ZNF804B: variants seen among roughly 807,000 people sequenced by gnomAD.
ZNF804B encodes zinc finger 804B.
Under a neutral mutation model 101.4 loss-of-function variants are expected in ZNF804B, and 80 were observed. The ratio of observed to expected loss-of-function variants is 0.79; its 90% CI spans 0.66 to 0.95. The LOEUF (loss-of-function observed/expected upper bound fraction) is 0.95, where lower values mean the gene tolerates loss of function less well. Ranked by LOEUF, ZNF804B falls within the 40% of genes least tolerant of loss-of-function variation. ZNF804B has a pLI of 0.00. For missense variants in ZNF804B, 1,673 were observed against 1,561.9 expected, an observed-to-expected ratio of 1.07 and a Z score of -1.20; for synonymous variants, 622 against 558.8, an observed-to-expected ratio of 1.11 and a Z score of -1.59.
intron 1 of ZNF804B, among the ~76,000 whole-genome samples, chr7:88,833,569 T>C (rs1466035324): frequency 6.6e-6 from 1 of 151,816 alleles, no homozygotes; most frequent in African/African-American, 2.4e-5. Context: ...AGTCTGCGAG[T>C]TTGAAAGAGA....
At chr7:89,144,757 C>T (rs1484494313) in intron 1 of ZNF804B, among the ~76,000 whole-genome samples, 5 of 151,944 alleles carry the variant, frequency 3.3e-5, no homozygotes, top group African/African-American at 9.7e-5. Flanking sequence ...TTGATTTAAT[C>T]ATCCAACATT....
chr7:89,280,712 T>C (rs1398758925), intron 2 of ZNF804B, among the ~76,000 whole-genome samples: 1 of 152,166 alleles, frequency 6.6e-6, no homozygotes, highest in Non-Finnish European at 1.5e-5. Context: ...CAGGAAGAAG[T>C]TGAATCTCTG....
chr7:88,878,614 C>A, intron 1 of ZNF804B, among the ~76,000 whole-genome samples: 1 of 151,930 alleles, frequency 6.6e-6, no homozygotes, highest in African/African-American at 2.4e-5. Context: ...TTTTAATCAC[C>A]TATACTATGC....
Position 89,162,407 on chromosome 7 carries a change from C to T in ZNF804B, c.109-55748C>T, listed in dbSNP as rs145618338. Among the ~76,000 whole-genome samples, 827 of 152,172 alleles carry T rather than the reference C, an allele frequency of 5.4e-3. 6 individuals are homozygous for T. Among genetic ancestry groups the T allele is most frequent in the Non-Finnish European group, 8.5e-3 (581 of 68,016 alleles). On this transcript the variant is annotated intron_variant, in intron 1 of 3. Transcript: ENST00000333190. ...TAACCAAAGTCAAATTCCTAAATAG[C>T]TTTTGACCCAAAAATAGAATCTAGA...
At chr7:89,210,375 G>A (rs1788783833) in intron 1 of ZNF804B, among the ~76,000 whole-genome samples, 2 of 152,046 alleles carry the variant, frequency 1.3e-5, no homozygotes, top group South Asian at 4.1e-4. Flanking sequence ...TACATGCGCA[G>A]GATGTGCAGG....
chr7:89,195,462 C>G (rs1256168936), intron 1 of ZNF804B, among the ~76,000 whole-genome samples: 6 of 144,718 alleles, frequency 4.1e-5, no homozygotes, highest in Non-Finnish European at 7.5e-5. Flanking sequence ...CCCAAAATCT[C>G]CTTAAGCTGA....
At position 88,816,932 on chromosome 7, in the gene ZNF804B, G is replaced by A. The variant is rs1019620703; in HGVS notation, c.108+56848G>A. On this transcript the variant is annotated intron_variant, in intron 1 of 3. Transcript: ENST00000333190. The stretch of plus-strand genomic sequence containing the variant: ...CATGCTGCTATAAGACACATGCACA[G>A]GTATGTTTATTGTGGCACTATTGAC... 1.5e-3 allele frequency among the ~76,000 whole-genome samples: 218 copies of A among 148,208 alleles called. 3 individuals are homozygous for A. The highest frequency in any genetic ancestry group is 5.3e-3 in the African/African-American group (208 of 39,568).
rs1315861224 is a variant in ZNF804B at position 88,776,740 on chromosome 7, T to C, written c.108+16656T>C. Reference sequence around the variant, plus strand: ...TCATTACTGTTTAAATGTCTTACTGTCTTTGGAAATTCTGATGAACCCCAA... The same window carrying C: ...TCATTACTGTTTAAATGTCTTACTGCCTTTGGAAATTCTGATGAACCCCAA... On this transcript the variant is annotated intron_variant, in intron 1 of 3. Coordinates refer to ENST00000333190, the MANE Select transcript of ZNF804B (RefSeq NM_181646.5). Among the ~76,000 whole-genome samples the C allele has an allele frequency of 2.0e-5, 3 of 151,352 alleles. No individual in the cohort carries two copies. In the South Asian group the frequency reaches 6.3e-4, roughly 32 times the overall value.
At chr7:89,017,021 G>A (rs1162136004) in intron 1 of ZNF804B, among the ~76,000 whole-genome samples, 5 of 152,080 alleles carry the variant, frequency 3.3e-5, no homozygotes. Context: ...TTGAGCTGTG[G>A]TTTGTAGTTC....
At chr7:88,997,071 A>G (rs1485969182) in intron 1 of ZNF804B, among the ~76,000 whole-genome samples, 3 of 152,110 alleles carry the variant, frequency 2.0e-5, no homozygotes, top group African/African-American at 7.2e-5. Flanking sequence ...TTTTAAGGCA[A>G]TATGTTTAAC....
At chr7:89,322,645 G>A (rs796235192) in intron 2 of ZNF804B, among the ~76,000 whole-genome samples, 38 of 152,100 alleles carry the variant, frequency 2.5e-4, no homozygotes, top group African/African-American at 8.9e-4. Flanking sequence ...TTGGAACAAT[G>A]TTTTGACAAT....
At chr7:89,164,077 G>T (rs1288121695) in intron 1 of ZNF804B, among the ~76,000 whole-genome samples, 1 of 151,122 alleles carries the variant, frequency 6.6e-6, no homozygotes, top group Non-Finnish European at 1.5e-5. Flanking sequence ...ATTCTTCAAG[G>T]GTTTTAAAAT....
intron 1 of ZNF804B, among the ~76,000 whole-genome samples, chr7:88,769,915 A>C (rs1184190477): frequency 6.6e-6 from 1 of 152,162 alleles, no homozygotes; most frequent in Non-Finnish European, 1.5e-5. Flanking sequence ...CTAAATAATA[A>C]ATTTTATCTA....
At chr7:89,240,998 C>T (rs547180502) in intron 2 of ZNF804B, among the ~76,000 whole-genome samples, 105 of 152,108 alleles carry the variant, frequency 6.9e-4, no homozygotes, top group Non-Finnish European at 1.4e-3. Flanking sequence ...CTGGCACTGC[C>T]GTGTCTGTAT....
At chr7:88,851,647 C>G (rs1282719494) in intron 1 of ZNF804B, among the ~76,000 whole-genome samples, 1 of 151,802 alleles carries the variant, frequency 6.6e-6, no homozygotes, top group East Asian at 1.9e-4. Flanking sequence ...TAAGTAGAAA[C>G]AAAACATTAC....
chr7:89,235,076 A>T (rs1219948818), intron 2 of ZNF804B, among the ~76,000 whole-genome samples: 1 of 152,044 alleles, frequency 6.6e-6, no homozygotes, highest in Non-Finnish European at 1.5e-5. Flanking sequence ...TATATTTTTT[A>T]TTTTTATTTT....
At chr7:89,260,903 C>A (rs758518431) in intron 2 of ZNF804B, among the ~76,000 whole-genome samples, 1 of 152,164 alleles carries the variant, frequency 6.6e-6, no homozygotes, top group South Asian at 2.1e-4. Flanking sequence ...TCACTAGTGG[C>A]ACTTCATATG....
chr7:88,945,470 C>A (rs1167317117), intron 1 of ZNF804B, among the ~76,000 whole-genome samples: 1 of 152,070 alleles, frequency 6.6e-6, no homozygotes, highest in African/African-American at 2.4e-5. Flanking sequence ...GGTACCAGTA[C>A]CATGCTGTTT....
intron 1 of ZNF804B, among the ~76,000 whole-genome samples, chr7:88,783,692 T>C (rs1217733259): frequency 1.3e-5 from 2 of 151,938 alleles, no homozygotes; most frequent in Non-Finnish European, 2.9e-5. Context: ...ATGGGAATGG[T>C]AAAAGAGTAG....
Sources: allele counts gnomAD v4.1 joint callset (sites outside exome capture counted in the v4.1 genomes callset), GRCh38; gene constraint gnomAD v4.1.1; transcripts MANE v1.5; gene names NCBI Gene and HGNC (gene_info 2026-07-23, HGNC 2026-07-21).